CSMD1: variants seen among roughly 807,000 people sequenced by gnomAD.
CSMD1 encodes CUB and Sushi multiple domains 1, also known as CUB and sushi domain-containing protein 1.
Under a neutral mutation model 417.5 loss-of-function variants are expected in CSMD1, and 213 were observed. The observed-to-expected ratio is 0.51, with a 90% CI of 0.46 to 0.57. CSMD1 has a LOEUF of 0.57. Ranked by LOEUF, CSMD1 falls within the 20% of genes least tolerant of loss-of-function variation. The pLI, the probability that CSMD1 is intolerant of heterozygous loss-of-function variation, is 0.00. For synonymous variants in CSMD1, 2,862 were observed against 1,736.8 expected, an observed-to-expected ratio of 1.65 and a Z score of -16.11; for missense variants, 6,923 against 4,529.7, an observed-to-expected ratio of 1.53 and a Z score of -15.17.
intron 26 of CSMD1, among the ~76,000 whole-genome samples, chr8:3,230,537 G>C (rs906202809): frequency 6.6e-6 from 1 of 151,966 alleles, no homozygotes; most frequent in African/African-American, 2.4e-5. Flanking sequence ...CATACACACA[G>C]ACTGATTTTC....
intron 5 of CSMD1, among the ~76,000 whole-genome samples, chr8:3,983,482 C>A (rs1463116456): frequency 6.6e-6 from 1 of 152,146 alleles, no homozygotes; most frequent in Non-Finnish European, 1.5e-5. Flanking sequence ...GATATCAAGT[C>A]ATGAGGAAAA....
At chr8:3,532,840 C>T (rs1798038171) in intron 10 of CSMD1, among the ~76,000 whole-genome samples, 1 of 152,126 alleles carries the variant, frequency 6.6e-6, no homozygotes, top group Admixed American at 6.5e-5. Flanking sequence ...AAGCACACAG[C>T]ACAATGACCT....
chr8:3,469,405 A>T (rs1209563251), intron 11 of CSMD1, among the ~76,000 whole-genome samples: 1 of 152,172 alleles, frequency 6.6e-6, no homozygotes, highest in Non-Finnish European at 1.5e-5. Context: ...GCTGAAATAG[A>T]TTTGGCAGCA....
intron 39 of CSMD1, among the ~76,000 whole-genome samples, chr8:3,154,276 T>C (rs1361211683): frequency 6.6e-6 from 1 of 152,192 alleles, no homozygotes; most frequent in Non-Finnish European, 1.5e-5. Context: ...CCCAGCCCTT[T>C]GTGACATTTT....
intron 1 of CSMD1, among the ~76,000 whole-genome samples, chr8:4,970,834 A>G (rs1179501847): frequency 6.6e-6 from 1 of 152,080 alleles, no homozygotes; most frequent in Admixed American, 6.6e-5. Context: ...AGTCATCAAA[A>G]TCAAAGTATG....
intron 36 of CSMD1, among the ~76,000 whole-genome samples, chr8:3,182,263 T>C (rs1409618605): frequency 6.6e-6 from 1 of 152,186 alleles, no homozygotes; most frequent in Non-Finnish European, 1.5e-5. Flanking sequence ...ATTTTATTTT[T>C]TTAGATGGAG....
At chr8:3,452,734 G>A (rs1751918149) in intron 12 of CSMD1, among the ~76,000 whole-genome samples, 2 of 152,116 alleles carry the variant, frequency 1.3e-5, no homozygotes, top group African/African-American at 4.8e-5. Context: ...TTTTATTGAG[G>A]ATTTTTGCAT....
At chr8:3,936,464 A>C (rs924218283) in intron 5 of CSMD1, among the ~76,000 whole-genome samples, 2 of 152,172 alleles carry the variant, frequency 1.3e-5, no homozygotes, top group African/African-American at 4.8e-5. Context: ...TCAGGATTTT[A>C]AGTTGAAGCC....
At chr8:4,887,160 C>G (rs1046700881) in intron 1 of CSMD1, among the ~76,000 whole-genome samples, 6 of 151,970 alleles carry the variant, frequency 3.9e-5, no homozygotes, top group African/African-American at 1.2e-4. Flanking sequence ...TCCATAAGAT[C>G]TGATATGTTC....
chr8:3,743,783 A>T (rs1391020537), intron 6 of CSMD1, among the ~76,000 whole-genome samples: 1 of 152,234 alleles, frequency 6.6e-6, no homozygotes, highest in South Asian at 2.1e-4. Flanking sequence ...TGATAAGTTT[A>T]TCTTTACAGC....
chr8:3,520,152 A>C (rs1797447850), intron 10 of CSMD1, among the ~76,000 whole-genome samples: 1 of 151,944 alleles, frequency 6.6e-6, no homozygotes, highest in Admixed American at 6.6e-5. Context: ...AATTACTGTT[A>C]AGAAACCAGA....
At chr8:4,087,210 G>C (rs1357346067) in intron 3 of CSMD1, among the ~76,000 whole-genome samples, 1 of 152,130 alleles carries the variant, frequency 6.6e-6, no homozygotes, top group East Asian at 1.9e-4. Context: ...AGCCACCCTA[G>C]CTCTGAGCTC....
intron 12 of CSMD1, among the ~76,000 whole-genome samples, chr8:3,458,236 A>C (rs1040968558): frequency 5.3e-5 from 8 of 152,270 alleles, no homozygotes; most frequent in Admixed American, 2.6e-4. Flanking sequence ...CTGGAATTTA[A>C]ATGTCAAATT....
chr8:4,316,800 C>A (rs1056523800), intron 3 of CSMD1, among the ~76,000 whole-genome samples: 1 of 152,132 alleles, frequency 6.6e-6, no homozygotes, highest in East Asian at 1.9e-4. Context: ...CTATATTGTG[C>A]TTCCCTCAAA....
At chr8:4,743,186 G>C (rs1199412479) in intron 1 of CSMD1, among the ~76,000 whole-genome samples, 3 of 152,064 alleles carry the variant, frequency 2.0e-5, no homozygotes, top group Non-Finnish European at 2.9e-5. Context: ...TCTATTTCAA[G>C]AAAAATAGCC....
At chr8:3,572,987 A>C (rs1188537567) in intron 10 of CSMD1, among the ~76,000 whole-genome samples, 2 of 151,948 alleles carry the variant, frequency 1.3e-5, no homozygotes, top group African/African-American at 4.8e-5. Context: ...AATTATCAAT[A>C]AACTAGTTAT....
intron 1 of CSMD1, among the ~76,000 whole-genome samples, chr8:4,719,188 G>C (rs1458832691): frequency 2.0e-5 from 3 of 152,200 alleles, no homozygotes; most frequent in Non-Finnish European, 2.9e-5. Context: ...CACAGCTAGA[G>C]AAAGTGCAGG....
chr8:4,770,361 T>A (rs1195642800), intron 1 of CSMD1, among the ~76,000 whole-genome samples: 1 of 148,468 alleles, frequency 6.7e-6, no homozygotes, highest in African/African-American at 2.4e-5. Context: ...AATTAAGCTA[T>A]TATATATATA....
At chr8:3,545,427 A>G (rs757752606) in intron 10 of CSMD1, among the ~76,000 whole-genome samples, 24 of 152,216 alleles carry the variant, frequency 1.6e-4, no homozygotes, top group Non-Finnish European at 2.2e-4. Flanking sequence ...CAAGGTGGCC[A>G]TTTCTGAAAA....
Sources: gnomAD v4.1 joint callset for allele counts (sites outside exome capture counted in the v4.1 genomes callset) on GRCh38, gnomAD v4.1.1 for gene constraint, MANE v1.5 for transcripts, NCBI Gene and HGNC (gene_info 2026-07-23, HGNC 2026-07-21) for gene names.